The following AGO1 variants were observed in gnomAD, a reference collection of about 807,000 sequenced individuals.
The protein encoded by AGO1 is protein argonaute-1.
A neutral mutation model predicts 109.2 loss-of-function variants in AGO1; 11 were observed. That is an observed-to-expected ratio of 0.10 (90% CI 0.06 to 0.17). AGO1 has a LOEUF of 0.17. Among genes scored for constraint, AGO1 ranks in the 10% least tolerant of loss-of-function variants. The probability of loss-of-function intolerance (pLI) is 1.00; values close to 1 mark genes in which losing one functional copy is unlikely to be tolerated. For synonymous variants in AGO1, 422 were observed against 418.6 expected (o/e 1.01, Z -0.10); for missense variants, 574 against 1,140.3 (o/e 0.50, Z 7.15).
chr1:35,928,103 G>C lies in AGO1; in HGVS notation c.*8496G>C, dbSNP rs566097843. 4 of 152,372 alleles carry C rather than the reference G, an allele frequency of 2.6e-5. No individual in the cohort carries two copies. The highest frequency in any genetic ancestry group is 6.5e-5 in the Admixed American group (1 of 15,304). The allele number at this position is 152,372 out of a possible 1,614,324, so 9.4% of individuals were successfully genotyped here. A position where few individuals can be genotyped will look rare whatever the true frequency, so the allele number is the denominator to read the frequency against. ...GGCAGCAGGGAGGGAAGTGTGAACT[G>C]TGTGTCCCTGAGCCTGACTTACTGG... On this transcript the variant is annotated 3_prime_UTR_variant, in exon 19 of 19. Coordinates refer to ENST00000373204, the MANE Select transcript of AGO1 (RefSeq NM_012199.5).
At position 35,888,289 on chromosome 1, in the gene AGO1, C is replaced by A; in HGVS notation, c.26-138C>A. On this transcript the variant is annotated intron_variant, in intron 1 of 18. Coordinates refer to ENST00000373204, the MANE Select transcript of AGO1 (RefSeq NM_012199.5). This position sits in a 1 kb window ranked among gnomAD's most constrained non-coding sequence, Gnocchi z 4.1. ...TGAGCTTGAGATGTCCCCTGGAAGC[C>A]CTTGGCTGGGTTGGGTAGCAGGAAA... 1.3e-6 allele frequency: 1 copy of A among 767,092 alleles called. No homozygotes were observed. Among genetic ancestry groups the A allele is most frequent in the Non-Finnish European group, 2.1e-6 (1 of 482,912 alleles). The allele number at this position is 767,092 out of a possible 1,614,324, so 47.5% of individuals were successfully genotyped here. A position where few individuals can be genotyped will look rare whatever the true frequency, so the allele number is the denominator to read the frequency against.
In AGO1 at chr1:35,917,577, A is replaced by AT; in HGVS notation, c.2029-9dup. ...TGTGTATTTCTTTGTTTCCCTCCCC[A>AT]TTTTTTTGTGCCTAGATACTCCACT... is the stretch of plus-strand genomic sequence containing the variant. On this transcript the variant is annotated splice_polypyrimidine_tract_variant and intron_variant, in intron 15 of 18. Coordinates refer to ENST00000373204, the MANE Select transcript of AGO1 (RefSeq NM_012199.5). 3 of 1,604,190 alleles carry AT rather than the reference A, an allele frequency of 1.9e-6. No individual in the cohort carries two copies. Among genetic ancestry groups the AT allele is most frequent in the Non-Finnish European group, 1.7e-6 (2 of 1,172,666 alleles).
At chr1:35,874,765 T>G (rs1644979675) in intron 1 of AGO1, among the ~76,000 whole-genome samples, 1 of 152,208 alleles carries the variant, frequency 6.6e-6, no homozygotes, top group Admixed American at 6.5e-5. Context: ...GGAGAAGTTC[T>G]TAAGGAAATT....
intron 8 of AGO1, among the ~76,000 whole-genome samples, chr1:35,898,319 C>T (rs935335083): frequency 9.9e-5 from 15 of 151,350 alleles, no homozygotes; most frequent in East Asian, 5.8e-4. Context: ...TGCAGTGGCA[C>T]GATCTCGGCT....
At chr1:35,912,076 G>A (rs1032480619) in intron 12 of AGO1, among the ~76,000 whole-genome samples, 5 of 151,824 alleles carry the variant, frequency 3.3e-5, no homozygotes, top group East Asian at 1.9e-4. Flanking sequence ...TCATGCCTTC[G>A]GCCGGGCGCG....
chr1:35,882,068 A>G (rs1028841556), upstream of AGO1, among the ~76,000 whole-genome samples: 3 of 152,264 alleles, frequency 2.0e-5, no homozygotes, highest in Admixed American at 6.5e-5. This position sits in a 1 kb window ranked among gnomAD's most constrained non-coding sequence, Gnocchi z 5.1. Flanking sequence ...AACAAGGGAT[A>G]GAGGAACTGT....
chr1:35,884,092 C>CCCCCG (rs534918222), intron 1 of AGO1, among the ~76,000 whole-genome samples: 6,707 of 151,342 alleles, frequency 0.044, 177 homozygotes, highest in South Asian at 0.082. Flanking sequence ...TCTCCACACC[C>CCCCCG]CCCCGCCCCG....
intron 11 of AGO1, 44 bp from the exon 12 acceptor site, chr1:35,906,891 C>T (rs756272172): frequency 7.3e-5 from 113 of 1,552,678 alleles, no homozygotes; most frequent in Non-Finnish European, 8.7e-5. Flanking sequence ...CAGAAGAATT[C>T]AAGTGAGACT....
At chr1:35,916,663 C>T (rs750345201) in intron 15 of AGO1, among the ~76,000 whole-genome samples, 2 of 152,192 alleles carry the variant, frequency 1.3e-5, no homozygotes, top group African/African-American at 2.4e-5. Flanking sequence ...CCACCGTGCC[C>T]GGCCATTATG....
chr1:35,908,424 A>G (rs1296783644), intron 12 of AGO1, among the ~76,000 whole-genome samples: 1 of 152,192 alleles, frequency 6.6e-6, no homozygotes, highest in Non-Finnish European at 1.5e-5. Flanking sequence ...ACCTATTGCT[A>G]TTATATGTGA....
In AGO1 at chr1:35,925,550, G is replaced by A. The variant is rs1439531364; in HGVS notation, c.*5943G>A. 2 of 151,410 alleles carry A rather than the reference G, an allele frequency of 1.3e-5. No individual in the cohort carries two copies. Among genetic ancestry groups the A allele is most frequent in the Non-Finnish European group, 2.9e-5 (2 of 67,938 alleles). The allele number at this position is 151,410 out of a possible 1,614,324, so 9.4% of individuals were successfully genotyped here. A position where few individuals can be genotyped will look rare whatever the true frequency, so the allele number is the denominator to read the frequency against. On this transcript the variant is annotated 3_prime_UTR_variant, in exon 19 of 19. Transcript: ENST00000373204. ...TTCATTTTTGTCATCTCAGGGTCAT[G>A]GCATATACCAACAGATCAGTATGTG...
In AGO1 at chr1:35,924,148, C is replaced by T. The variant is rs567411609; in HGVS notation, c.*4541C>T. On this transcript the variant is annotated 3_prime_UTR_variant, in exon 19 of 19. Coordinates refer to ENST00000373204, the MANE Select transcript of AGO1 (RefSeq NM_012199.5). ...TTCCCTTTGAGATTTGTGTTTGTGT[C>T]CTGCTTTGAGCTGTACCTTGTCCAG... 1.3e-5 allele frequency: 2 copies of T among 152,922 alleles called. No individual in the cohort carries two copies. The highest frequency in any genetic ancestry group is 3.9e-4 in the East Asian group (2 of 5,192). The allele number at this position is 152,922 out of a possible 1,614,324, so 9.5% of individuals were successfully genotyped here.
At chr1:35,874,897 G>A (rs554570936) in intron 1 of AGO1, among the ~76,000 whole-genome samples, 40 of 152,314 alleles carry the variant, frequency 2.6e-4, no homozygotes, top group African/African-American at 9.1e-4. Context: ...TTAAGCCAAA[G>A]CCTAATCCAG....
At chr1:35,877,075 C>T (rs775023762) in intron 1 of AGO1, among the ~76,000 whole-genome samples, 1 of 152,138 alleles carries the variant, frequency 6.6e-6, no homozygotes, top group African/African-American at 2.4e-5. Flanking sequence ...TTGGGGCCTT[C>T]GTGTGTGCTA....
chr1:35,898,102 A>T (rs1206084861), intron 8 of AGO1, among the ~76,000 whole-genome samples: 1 of 152,080 alleles, frequency 6.6e-6, no homozygotes, highest in Non-Finnish European at 1.5e-5. Flanking sequence ...TTGTTAATTC[A>T]TTTATCAGTT....
At chr1:35,907,185 C>T (rs575299815) in intron 12 of AGO1, 66 bp downstream of exon 12, 8 of 1,431,126 alleles carry the variant, frequency 5.6e-6, no homozygotes, top group East Asian at 2.4e-5. Flanking sequence ...CCTGGGGTCT[C>T]CTGGGAAGGA....
Position 35,923,459 on chromosome 1 carries a change from C to CA in AGO1, c.*3855dup, listed in dbSNP as rs1328506458. On this transcript the variant is annotated 3_prime_UTR_variant, in exon 19 of 19. Transcript: ENST00000373204. Reference sequence around the variant, plus strand: ...CCCCATCAGGGTAGAAAAATCATCTCAAACTAGCCAAAAGGCAGTTTTGGA... The same window carrying CA: ...CCCCATCAGGGTAGAAAAATCATCTCAAAACTAGCCAAAAGGCAGTTTTGGA... 6.6e-6 allele frequency: 1 copy of CA among 152,612 alleles called. No homozygotes were observed. Among genetic ancestry groups the CA allele is most frequent in the Admixed American group, 6.5e-5 (1 of 15,276 alleles). The allele number at this position is 152,612 out of a possible 1,614,324, so 9.5% of individuals were successfully genotyped here.
chr1:35,884,351 A>C (rs1645085876), intron 1 of AGO1, among the ~76,000 whole-genome samples: 1 of 152,014 alleles, frequency 6.6e-6, no homozygotes, highest in South Asian at 2.1e-4. Context: ...TAGGAAAGGT[A>C]TTGGTTACGG....
rs926159610 is a variant in AGO1, at chr1:35,916,470, C to T, written c.2028+928C>T. ...GCAGCTTCTGCCTCCCGGGCTCAAG[C>T]GATTCTCTTTCCTCAGCCTCCCAAG... is the stretch of plus-strand genomic sequence containing the variant. On this transcript the variant is annotated intron_variant, in intron 15 of 18. Coordinates refer to ENST00000373204, the MANE Select transcript of AGO1 (RefSeq NM_012199.5). Among the ~76,000 whole-genome samples the T allele has an allele frequency of 2.0e-5, 3 of 152,222 alleles. No homozygotes were observed. The South Asian group carries it at 6.2e-4, about 32-fold the overall frequency.
Sources: allele counts gnomAD v4.1 joint callset (sites outside exome capture counted in the v4.1 genomes callset), GRCh38; gene constraint gnomAD v4.1.1; non-coding constraint Gnocchi (gnomAD v3.1); transcripts MANE v1.5; gene names NCBI Gene and HGNC (gene_info 2026-07-23, HGNC 2026-07-21).